The following KSR1 variants were observed in gnomAD, a reference collection of about 807,000 sequenced individuals.
KSR1 encodes kinase suppressor of ras.
KSR1 carries 35 observed loss-of-function variants against 92.9 expected under a neutral mutation model. The ratio of observed to expected loss-of-function variants is 0.38; its 90% CI spans 0.29 to 0.50. The LOEUF (loss-of-function observed/expected upper bound fraction) is 0.50. KSR1 is among the 20% of genes least tolerant of loss of function. The pLI is 0.94. For missense variants in KSR1, 972 were observed against 1,158.5 expected (o/e 0.84, Z 2.34); for synonymous variants, 467 against 472.6 (o/e 0.99, Z 0.15).
rs763655395 is a variant in KSR1 at position 27,583,119 on chromosome 17, C to T, written c.980+14C>T. ...CTCCTCGATGAGGTGAGTGCTCCTT[C>T]TGGGCAGCTACCAAAAGTGCCCTCT... On this transcript the variant is annotated intron_variant, in intron 4 of 20. Coordinates refer to ENST00000644974, the MANE Select transcript of KSR1 (RefSeq NM_001394583.1). 5 of 1,496,102 alleles carry T rather than the reference C, an allele frequency of 3.3e-6. No individual in the cohort carries two copies. In the South Asian group the frequency reaches 5.5e-5, roughly 16 times the overall value. 92.7% of individuals were successfully genotyped at this position (1,496,102 alleles called of 1,614,324 possible). A position where few individuals can be genotyped will look rare whatever the true frequency, so the allele number is the denominator to read the frequency against.
intron 7 of KSR1, among the ~76,000 whole-genome samples, chr17:27,592,136 G>A (rs1284126378): frequency 2.0e-5 from 3 of 152,236 alleles, no homozygotes. Context: ...TTTGCTGTGA[G>A]GATGGATAGA....
At chr17:27,621,961 G>C (rs768004806) in intron 20 of KSR1, 2 of 1,612,004 alleles carry the variant, frequency 1.2e-6, no homozygotes, top group South Asian at 1.1e-5. Flanking sequence ...ATGCACCAGG[G>C]GCTTTCTTCC....
At chr17:27,614,691 G>C in intron 18 of KSR1, among the ~76,000 whole-genome samples, 1 of 152,120 alleles carries the variant, frequency 6.6e-6, no homozygotes, top group Admixed American at 6.5e-5. Flanking sequence ...GATCATTCTA[G>C]AGCACAGCCA....
intron 2 of KSR1, chr17:27,566,476 GGGTGACAGCCAA>G (rs2072075000): frequency 2.5e-6 from 1 of 399,032 alleles, no homozygotes; most frequent in Non-Finnish European, 4.4e-6. Flanking sequence ...CTGTGGAGCT[GGGTGACAGCCAA>G]GGTGTCCAGG....
At chr17:27,617,238 G>A in intron 18 of KSR1, 57 bp from the exon 19 acceptor site, 7 of 1,554,336 alleles carry the variant, frequency 4.5e-6, no homozygotes, top group Non-Finnish European at 4.4e-6. Flanking sequence ...CACCCCTACT[G>A]TGTGCCCCCT....
At position 27,624,875 on chromosome 17, in the gene KSR1, C is replaced by G. The variant is rs1021569805; in HGVS notation, c.*1483C>G. 15 of 152,332 alleles carry G rather than the reference C, an allele frequency of 9.8e-5. No individual in the cohort carries two copies. The highest frequency in any genetic ancestry group is 3.6e-4 in the African/African-American group (15 of 41,450). 9.4% of individuals were successfully genotyped at this position (152,332 alleles called of 1,614,324 possible). A position where few individuals can be genotyped will look rare whatever the true frequency, so the allele number is the denominator to read the frequency against. ...TAGCACCAGAGTCTGGTCAAAATGC[C>G]ACAGAAAATGAGCTGCTCTGCCAGC... On this transcript the variant is annotated 3_prime_UTR_variant, in exon 21 of 21. Transcript: ENST00000644974.
At chr17:27,509,426 G>T (rs1266575931) in intron 1 of KSR1, among the ~76,000 whole-genome samples, 2 of 152,086 alleles carry the variant, frequency 1.3e-5, no homozygotes, top group South Asian at 2.1e-4. Context: ...GGGTAGCTGG[G>T]ACTACAGGCA....
chr17:27,487,205 C>T (rs1273924652), intron 1 of KSR1, among the ~76,000 whole-genome samples: 6 of 151,836 alleles, frequency 4.0e-5, no homozygotes, highest in Non-Finnish European at 7.4e-5. Context: ...GAGGCCTAGG[C>T]GGGTGGATCA....
At chr17:27,538,904 A>G (rs2070857057) in intron 1 of KSR1, among the ~76,000 whole-genome samples, 2 of 152,182 alleles carry the variant, frequency 1.3e-5, no homozygotes, top group African/African-American at 2.4e-5. Flanking sequence ...TTGCTAAGCC[A>G]ACAGTCACAT....
intron 1 of KSR1, among the ~76,000 whole-genome samples, chr17:27,534,767 G>A (rs2070696769): frequency 6.6e-6 from 1 of 152,196 alleles, no homozygotes; most frequent in African/African-American, 2.4e-5. Flanking sequence ...GTTGTCTTTA[G>A]CCATTGCTTG....
chr17:27,472,938 G>A (rs971415055), intron 1 of KSR1, among the ~76,000 whole-genome samples: 4 of 152,174 alleles, frequency 2.6e-5, no homozygotes, highest in Admixed American at 6.5e-5. Context: ...TTGAGACAGG[G>A]TCTCGCAGTG....
At chr17:27,515,175 A>G (rs574253183) in intron 1 of KSR1, among the ~76,000 whole-genome samples, 1 of 152,348 alleles carries the variant, frequency 6.6e-6, no homozygotes, top group East Asian at 1.9e-4. Flanking sequence ...CAGTAACTGA[A>G]ACATTCTTGT....
chr17:27,606,602 T>C (rs1376513342), intron 14 of KSR1, among the ~76,000 whole-genome samples: 4 of 152,126 alleles, frequency 2.6e-5, no homozygotes, highest in African/African-American at 9.7e-5. Context: ...ACAACCAGTT[T>C]TGGGGCAGTA....
At chr17:27,570,711 G>A (rs2072271812) in intron 2 of KSR1, among the ~76,000 whole-genome samples, 1 of 152,154 alleles carries the variant, frequency 6.6e-6, no homozygotes, top group African/African-American at 2.4e-5. Context: ...GAGTTCAGTG[G>A]AAGGAATGTG....
intron 14 of KSR1, 27 bp downstream of exon 14, chr17:27,605,840 G>A (rs753432610): frequency 1.2e-6 from 2 of 1,609,924 alleles, no homozygotes; most frequent in Non-Finnish European, 1.7e-6. Flanking sequence ...ACCTCATGCT[G>A]GATGGCCAGC....
chr17:27,484,593 G>A (rs2068608563), intron 1 of KSR1, among the ~76,000 whole-genome samples: 1 of 150,528 alleles, frequency 6.6e-6, no homozygotes, highest in Non-Finnish European at 1.5e-5. Context: ...CATGTCATGG[G>A]TACAGAAGGA....
intron 1 of KSR1, among the ~76,000 whole-genome samples, chr17:27,522,351 G>GCC (rs2070073249): frequency 6.6e-6 from 1 of 152,174 alleles, no homozygotes; most frequent in Non-Finnish European, 1.5e-5. Context: ...CACAGCTTTG[G>GCC]CCCCCGCTCC....
At position 27,611,348 on chromosome 17, in the gene KSR1, C is replaced by T; in HGVS notation, c.2358-146C>T. ...TAGGGCTGGGAGGAGCCTCCAGGAG[C>T]CCACTGTAGCATCCCCTGAAGCCAA... On this transcript the variant is annotated intron_variant, in intron 17 of 20. Transcript: ENST00000644974. The T allele has an allele frequency of 4.2e-6, 4 of 960,686 alleles. No homozygotes were observed. The South Asian group carries it at 5.1e-5, about 12-fold the overall frequency. 59.5% of individuals were successfully genotyped at this position (960,686 alleles called of 1,614,324 possible).
chr17:27,584,524 G>T (rs892607735), intron 4 of KSR1, among the ~76,000 whole-genome samples: 2 of 152,202 alleles, frequency 1.3e-5, no homozygotes, highest in African/African-American at 4.8e-5. Context: ...AGTCAGAGGA[G>T]GCCTCACAGT....
Sources: allele counts gnomAD v4.1 joint callset (sites outside exome capture counted in the v4.1 genomes callset), GRCh38; gene constraint gnomAD v4.1.1; transcripts MANE v1.5; gene names NCBI Gene and HGNC (gene_info 2026-07-23, HGNC 2026-07-21).